Variants in PDE4D observed in about 807,000 individuals in gnomAD.
PDE4D encodes the protein phosphodiesterase 4D.
In PDE4D, 24 loss-of-function variants were observed where a neutral mutation model predicts 87.4. The ratio of observed to expected loss-of-function variants is 0.27; its 90% CI spans 0.20 to 0.39. The LOEUF is 0.39. PDE4D is among the 10% of genes least tolerant of loss of function. The pLI is 1.00. For missense variants in PDE4D, 714 were observed against 1,041.0 expected (o/e 0.69, Z 4.32); for synonymous variants, 384 against 383.2 (o/e 1.00, Z -0.02).
chr5:59,829,862 C>T (rs892326243), intron 1 of PDE4D, among the ~76,000 whole-genome samples: 19 of 151,926 alleles, frequency 1.3e-4, no homozygotes, highest in East Asian at 5.8e-4. Flanking sequence ...TCACACATAC[C>T]GGATGTATGT....
chr5:59,732,911 C>G (rs142405380), intron 1 of PDE4D, among the ~76,000 whole-genome samples: 1 of 152,080 alleles, frequency 6.6e-6, no homozygotes, highest in Non-Finnish European at 1.5e-5. Flanking sequence ...AAGTGACTTT[C>G]ACATGGATTT....
chr5:59,065,633 T>C (rs1036586402), intron 5 of PDE4D, among the ~76,000 whole-genome samples: 3 of 152,162 alleles, frequency 2.0e-5, no homozygotes, highest in Non-Finnish European at 4.4e-5. Flanking sequence ...ACATATTAAA[T>C]CTAAAGTTTC....
chr5:59,148,547 G>A (rs150066363), intron 5 of PDE4D, among the ~76,000 whole-genome samples: 187 of 152,244 alleles, frequency 1.2e-3, no homozygotes, highest in African/African-American at 4.0e-3. Context: ...GAGAGAAAGC[G>A]TATCCCAGCA....
intron 1 of PDE4D, among the ~76,000 whole-genome samples, chr5:60,412,057 T>A (rs1459872538): frequency 3.9e-5 from 6 of 152,196 alleles, no homozygotes; most frequent in Non-Finnish European, 8.8e-5. Flanking sequence ...TTTATCCCAG[T>A]GAAGGAGCTG....
At chr5:60,065,684 G>C (rs553856235) in intron 2 of PDE4D, among the ~76,000 whole-genome samples, 2 of 151,882 alleles carry the variant, frequency 1.3e-5, no homozygotes. Flanking sequence ...GAGAATATGC[G>C]TGTTTGCTTT....
chr5:60,072,646 C>T (rs994258141), intron 2 of PDE4D, among the ~76,000 whole-genome samples: 3 of 152,014 alleles, frequency 2.0e-5, no homozygotes, highest in African/African-American at 4.8e-5. Flanking sequence ...TTGAGTTTTA[C>T]GTTTAAGTCT....
chr5:59,539,995 G>C (rs1200524451), intron 1 of PDE4D, among the ~76,000 whole-genome samples: 1 of 152,168 alleles, frequency 6.6e-6, no homozygotes, highest in Non-Finnish European at 1.5e-5. Context: ...ATACATCAGA[G>C]TGTCCTGGAG....
chr5:60,230,510 A>G (rs1376878247), intron 1 of PDE4D, among the ~76,000 whole-genome samples: 1 of 152,080 alleles, frequency 6.6e-6, no homozygotes, highest in Non-Finnish European at 1.5e-5. Context: ...TGCCACTAGA[A>G]GAGGGACTTT....
intron 3 of PDE4D, chr5:59,987,341 T>G: frequency 6.6e-6 from 1 of 152,230 alleles, no homozygotes; most frequent in East Asian, 1.9e-4. Context: ...TTTAAACACA[T>G]AGTTCAATTA....
chr5:59,906,655 A>C (rs1014691816), intron 3 of PDE4D, among the ~76,000 whole-genome samples: 1 of 152,176 alleles, frequency 6.6e-6, no homozygotes, highest in Non-Finnish European at 1.5e-5. Context: ...ATGAATAAGA[A>C]AATATTAGAA....
chr5:60,431,549 T>G (rs552700891), intron 1 of PDE4D, among the ~76,000 whole-genome samples: 2 of 138,372 alleles, frequency 1.4e-5, no homozygotes, highest in African/African-American at 2.8e-5. Flanking sequence ...ACTTCCTAGA[T>G]GGGATGGCGG....
intron 1 of PDE4D, among the ~76,000 whole-genome samples, chr5:59,498,845 C>G (rs1338452874): frequency 1.3e-5 from 2 of 151,968 alleles, no homozygotes; most frequent in Non-Finnish European, 2.9e-5. Flanking sequence ...AACTTCAGCA[C>G]ACGAGTGAAA....
intron 1 of PDE4D, among the ~76,000 whole-genome samples, chr5:60,224,129 T>TA (rs996489121): frequency 2.0e-5 from 3 of 152,036 alleles, no homozygotes; most frequent in African/African-American, 7.2e-5. Flanking sequence ...TGTTCAAACT[T>TA]AAAAAAAGAG....
At chr5:59,813,498 T>A (rs1768613199) in intron 1 of PDE4D, among the ~76,000 whole-genome samples, 1 of 151,552 alleles carries the variant, frequency 6.6e-6, no homozygotes. Context: ...CTGTCATTGG[T>A]TACCTTTCCC....
chr5:59,307,504 A>T (rs1771633624), intron 1 of PDE4D, among the ~76,000 whole-genome samples: 1 of 152,210 alleles, frequency 6.6e-6, no homozygotes. Context: ...GAACTCAAAC[A>T]AATTCACAAG....
chr5:59,540,715 C>T (rs931865973), intron 1 of PDE4D, among the ~76,000 whole-genome samples: 8 of 152,160 alleles, frequency 5.3e-5, no homozygotes, highest in Non-Finnish European at 1.2e-4. Context: ...CATCCTCCCC[C>T]ATTTAAACCA....
At chr5:59,585,899 A>G (rs1395803397) in intron 1 of PDE4D, among the ~76,000 whole-genome samples, 1 of 152,226 alleles carries the variant, frequency 6.6e-6, no homozygotes, top group Non-Finnish European at 1.5e-5. Flanking sequence ...TTGAGTCAAC[A>G]TTCTAAGTTT....
At chr5:59,968,863 T>G (rs1372303039) in intron 3 of PDE4D, among the ~76,000 whole-genome samples, 1 of 152,258 alleles carries the variant, frequency 6.6e-6, no homozygotes, top group Admixed American at 6.5e-5. Flanking sequence ...ACATATCCAG[T>G]GTTTAGCATA....
chr5:59,207,853 A>T (rs1048847107), intron 2 of PDE4D, among the ~76,000 whole-genome samples: 2 of 149,170 alleles, frequency 1.3e-5, no homozygotes, highest in African/African-American at 5.0e-5. Flanking sequence ...CATGATTTTT[A>T]GAGTTTTTTT....
Sources: gnomAD v4.1 joint callset for allele counts (sites outside exome capture counted in the v4.1 genomes callset) on GRCh38, gnomAD v4.1.1 for gene constraint, MANE v1.5 for transcripts, NCBI Gene and HGNC (gene_info 2026-07-23, HGNC 2026-07-21) for gene names.